Variants in COL15A1 observed in about 807,000 individuals in gnomAD.
COL15A1 encodes the protein collagen type XV alpha 1 chain.
COL15A1 carries 111 observed loss-of-function variants against 165.9 expected under a neutral mutation model. The observed-to-expected ratio is 0.67, with a 90% CI of 0.57 to 0.78. COL15A1 has a LOEUF of 0.78. Ranked by LOEUF, COL15A1 falls within the 30% of genes least tolerant of loss-of-function variation. The pLI, the probability that COL15A1 is intolerant of heterozygous loss-of-function variation, is 0.00. For synonymous variants in COL15A1, 659 were observed against 674.8 expected, an observed-to-expected ratio of 0.98 and a Z score of 0.36; for missense variants, 1,745 against 1,789.7, an observed-to-expected ratio of 0.98 and a Z score of 0.45.
chr9:98,963,167 G>A (rs574588095), intron 2 of COL15A1, among the ~76,000 whole-genome samples: 3 of 152,190 alleles, frequency 2.0e-5, no homozygotes, highest in Non-Finnish European at 4.4e-5. Flanking sequence ...TCCACCCAGC[G>A]TGGTCCATGC....
intron 34 of COL15A1, among the ~76,000 whole-genome samples, chr9:99,055,979 C>T (rs969276596): frequency 6.6e-6 from 1 of 152,206 alleles, no homozygotes; most frequent in Admixed American, 6.5e-5. Context: ...CTCTGGGCTT[C>T]AGTGTCTCCA....
chr9:99,036,353 C>G lies in COL15A1; in HGVS notation c.2366C>G (p.Pro789Arg). ...GMDGASIVGP[P>R]GPRGPPGHIK... ...GATGGAGCCAGTATTGTGGGACCCCCTGGGCCGAGAGGGCCACCTGGGCAC... is the reference window on the plus strand; with the variant it reads ...GATGGAGCCAGTATTGTGGGACCCCGTGGGCCGAGAGGGCCACCTGGGCAC... Residue 789 changes from proline (P) to arginine (R), a missense_variant, in exon 21 of 42, where the codon CCT becomes CGT. Coordinates refer to ENST00000375001, the MANE Select transcript of COL15A1 (RefSeq NM_001855.5). 1 of 1,614,146 alleles carries G rather than the reference C, an allele frequency of 6.2e-7. No individual in the cohort carries two copies.
Position 99,005,017 on chromosome 9 carries a change from G to A in COL15A1, c.1320G>A (p.Met440Ile), listed in dbSNP as rs748005108. ...CCCCCGGGGAGCTGGACCTCTCCAT[G>A]TCCGCCCAGAGCCTCGGGGAAGAGG... ...GVAPGELDLS[M>I]SAQSLGEEAT... Residue 440 changes from methionine (M) to isoleucine (I), a missense_variant, in exon 9 of 42, where the codon ATG becomes ATA. Coordinates refer to ENST00000375001, the MANE Select transcript of COL15A1 (RefSeq NM_001855.5). The A allele has an allele frequency of 6.2e-7, 1 of 1,613,076 alleles. No homozygotes were observed. Among genetic ancestry groups the A allele is most frequent in the Non-Finnish European group, 8.5e-7 (1 of 1,179,470 alleles).
chr9:99,070,513 ACT>A lies in COL15A1; in HGVS notation c.*630_*631del. 3.1e-6 allele frequency: 1 copy of A among 325,414 alleles called. No individual in the cohort carries two copies. Among genetic ancestry groups the A allele is most frequent in the Non-Finnish European group, 6.1e-6 (1 of 162,758 alleles). 20.2% of individuals were successfully genotyped at this position (325,414 alleles called of 1,614,324 possible). A position where few individuals can be genotyped will look rare whatever the true frequency, so the allele number is the denominator to read the frequency against. ...TTTTAGTATGGTGTCTGTTTATGTA[ACT>A]CTGACTTGCTGGAAAAGTTGAAACT... On this transcript the variant is annotated 3_prime_UTR_variant, in exon 42 of 42. Coordinates refer to ENST00000375001, the MANE Select transcript of COL15A1 (RefSeq NM_001855.5).
rs1837726677 is a variant in COL15A1, at chr9:98,953,619, A to C, written c.100+9369A>C. ...GCATACCATGGGTGGTTTAAAGGAC[A>C]GAACAGGGCAAAAAACTATTCTGAG... On this transcript the variant is annotated intron_variant, in intron 2 of 41. Coordinates refer to ENST00000375001, the MANE Select transcript of COL15A1 (RefSeq NM_001855.5). Among the ~76,000 whole-genome samples, 4 of 152,226 alleles carry C rather than the reference A, an allele frequency of 2.6e-5. No individual in the cohort carries two copies. The South Asian group carries it at 8.3e-4, about 31-fold the overall frequency.
At chr9:99,049,973 G>A in intron 30 of COL15A1, 78 bp downstream of exon 30, 1 of 1,592,470 alleles carries the variant, frequency 6.3e-7, no homozygotes, top group Non-Finnish European at 8.6e-7. Context: ...TCTTTGTCTT[G>A]GGCCCTTTCT....
At chr9:98,944,906 C>T (rs1588484890) in intron 2 of COL15A1, among the ~76,000 whole-genome samples, 1 of 152,198 alleles carries the variant, frequency 6.6e-6, no homozygotes, top group South Asian at 2.1e-4. Context: ...TTAAAGTAGA[C>T]CTAAGTTAAA....
At chr9:99,063,470 G>A (rs1004846950) in intron 39 of COL15A1, among the ~76,000 whole-genome samples, 1 of 152,164 alleles carries the variant, frequency 6.6e-6, no homozygotes, top group East Asian at 1.9e-4. Context: ...TAAATTACAG[G>A]CAAAAGAGTA....
chr9:98,982,179 C>G (rs1288311339), intron 2 of COL15A1, among the ~76,000 whole-genome samples: 1 of 152,244 alleles, frequency 6.6e-6, no homozygotes, highest in Non-Finnish European at 1.5e-5. Context: ...AGTGCAGTGG[C>G]ATGATCGTAT....
Position 98,985,717 on chromosome 9 carries a change from T to G in COL15A1, c.253T>G (p.Ser85Ala). The part of the protein sequence containing the change: ...VGRPARTLIP[S>A]TFFRDFAISV... ...CCGCCCAGCCAGGACTCTCATCCCA[T>G]CCACCTTCTTCAGGGACTTCGCCAT... Residue 85 changes from serine to alanine, a missense_variant, in exon 3 of 42, where the codon TCC (serine) becomes GCC (alanine). Transcript: ENST00000375001. 1 of 1,614,226 alleles carries G rather than the reference T, an allele frequency of 6.2e-7. No individual in the cohort carries two copies. The highest frequency in any genetic ancestry group is 8.5e-7 in the Non-Finnish European group (1 of 1,180,046).
chr9:99,007,135 G>C (rs1002820948), intron 9 of COL15A1, among the ~76,000 whole-genome samples: 1 of 146,196 alleles, frequency 6.8e-6, no homozygotes, highest in East Asian at 1.9e-4. Context: ...ACAAACGCTT[G>C]CATTCTTTCA....
intron 7 of COL15A1, among the ~76,000 whole-genome samples, chr9:99,002,424 C>T (rs1588510032): frequency 1.3e-5 from 2 of 152,286 alleles, no homozygotes; most frequent in East Asian, 1.9e-4. Context: ...AACCGCAGTA[C>T]ACTGAAAATT....
Position 99,068,624 on chromosome 9 carries a change from C to A in COL15A1, c.3907C>A (p.Pro1303Thr). 1 of 1,558,282 alleles carries A rather than the reference C, an allele frequency of 6.4e-7. No homozygotes were observed. The highest frequency in any genetic ancestry group is 2.4e-5 in the East Asian group (1 of 41,770). The part of the protein sequence containing the change: ...GHGGQFNMHI[P>T]IYSFDGRDIM... ...CGGAGGTCAGTTCAATATGCATATT[C>A]CAATATACTCCTTTGATGGTCGAGA... is the stretch of plus-strand genomic sequence containing the variant. Residue 1303 changes from proline to threonine, a missense_variant, in exon 41 of 42, where the codon CCA becomes ACA. Coordinates refer to ENST00000375001, the MANE Select transcript of COL15A1 (RefSeq NM_001855.5).
intron 2 of COL15A1, among the ~76,000 whole-genome samples, chr9:98,948,954 G>A (rs1837633915): frequency 6.6e-6 from 1 of 152,150 alleles, no homozygotes; most frequent in African/African-American, 2.4e-5. Context: ...TGAAGATATA[G>A]GATAATCCCC....
At chr9:98,974,334 T>C (rs1338815042) in intron 2 of COL15A1, among the ~76,000 whole-genome samples, 5 of 152,088 alleles carry the variant, frequency 3.3e-5, no homozygotes, top group Admixed American at 6.5e-5. Context: ...CTCCTGTCCC[T>C]CCAGGGAGGT....
chr9:98,968,320 A>T (rs1046838926), intron 2 of COL15A1, among the ~76,000 whole-genome samples: 1 of 152,240 alleles, frequency 6.6e-6, no homozygotes, highest in Admixed American at 6.5e-5. Context: ...TGAGTGGCTT[A>T]AAACAGTAGT....
Position 99,068,660 on chromosome 9 carries a change from G to T in COL15A1, c.3943G>T (p.Asp1315Tyr). 1 of 1,551,556 alleles carries T rather than the reference G, an allele frequency of 6.4e-7. No homozygotes were observed. Among genetic ancestry groups the T allele is most frequent in the South Asian group, 1.2e-5 (1 of 80,604 alleles). The change falls in exon 41 of 42, where the codon GAT becomes TAT. Residue 1315 changes from aspartate to tyrosine, a missense_variant. By Grantham distance (160) the Asp-to-Tyr change is radical. Coordinates refer to ENST00000375001, the MANE Select transcript of COL15A1 (RefSeq NM_001855.5). ...CTTTGATGGTCGAGACATAATGACAGATCCTTCTTGGTAAGTGAGGGTGGA... is the reference window on the plus strand; with the variant it reads ...CTTTGATGGTCGAGACATAATGACATATCCTTCTTGGTAAGTGAGGGTGGA... ...YSFDGRDIMT[D>Y]PSWPQKVIWH...
chr9:99,054,602 G>A lies in COL15A1; in HGVS notation c.2977G>A (p.Gly993Ser), dbSNP rs1429598599. The change falls in exon 32 of 42, where the codon GGT (glycine) becomes AGT (serine). Residue 993 changes from glycine (G) to serine (S), a missense_variant. Physicochemically the swap from Gly to Ser is moderately conservative, Grantham distance 56. Coordinates refer to ENST00000375001, the MANE Select transcript of COL15A1 (RefSeq NM_001855.5). ...TGTTAAAGGAGAGAAAGGATCCTGGGGTCTTCCTGGCTCAAAGGGAGAAAA... is the reference window on the plus strand; with the variant it reads ...TGTTAAAGGAGAGAAAGGATCCTGGAGTCTTCCTGGCTCAAAGGGAGAAAA... ...HGVKGEKGSW[G>S]LPGSKGEKGD... The A allele has an allele frequency of 1.2e-6, 2 of 1,612,974 alleles. No homozygotes were observed. The highest frequency in any genetic ancestry group is 2.2e-5 in the East Asian group (1 of 44,862).
At chr9:99,044,311 G>T (rs1839459733) in intron 24 of COL15A1, among the ~76,000 whole-genome samples, 1 of 152,170 alleles carries the variant, frequency 6.6e-6, no homozygotes, top group African/African-American at 2.4e-5. Context: ...TGTGCCTTAG[G>T]ACGGTAACTC....
Sources: gnomAD v4.1 joint callset for allele counts (sites outside exome capture counted in the v4.1 genomes callset) on GRCh38, gnomAD v4.1.1 for gene constraint, MANE v1.5 for transcripts, NCBI Gene and HGNC (gene_info 2026-07-23, HGNC 2026-07-21) for gene names.